The following DLGAP1 variants were observed in gnomAD, a reference collection of about 807,000 sequenced individuals.
The protein encoded by DLGAP1 is disks large-associated protein 1.
Under a neutral mutation model 90.8 loss-of-function variants are expected in DLGAP1, and 11 were observed. The observed-to-expected ratio is 0.12, with a 90% CI of 0.08 to 0.20. The LOEUF is 0.20. Among genes scored for constraint, DLGAP1 ranks in the 10% least tolerant of loss-of-function variants. The pLI is 1.00. For synonymous variants in DLGAP1, 558 were observed against 540.7 expected, an observed-to-expected ratio of 1.03 and a Z score of -0.44; for missense variants, 1,050 against 1,333.8, an observed-to-expected ratio of 0.79 and a Z score of 3.31.
intron 7 of DLGAP1, among the ~76,000 whole-genome samples, chr18:3,583,879 A>G (rs150403134): frequency 6.6e-6 from 1 of 152,080 alleles, no homozygotes; most frequent in Non-Finnish European, 1.5e-5. Context: ...ACCTGGGGGG[A>G]GGAGGTTGCA....
intron 2 of DLGAP1, among the ~76,000 whole-genome samples, chr18:4,077,768 C>T (rs763600275): frequency 4.8e-4 from 73 of 152,248 alleles, no homozygotes; most frequent in Middle Eastern, 6.8e-3. Flanking sequence ...CTCAGGGATT[C>T]CTTTATAGCA....
intron 4 of DLGAP1, among the ~76,000 whole-genome samples, chr18:3,827,442 G>A (rs1410855691): frequency 6.6e-6 from 1 of 152,136 alleles, no homozygotes; most frequent in African/African-American, 2.4e-5. Flanking sequence ...ACTTCTTCCC[G>A]TGATCTTAAT....
intron 1 of DLGAP1, among the ~76,000 whole-genome samples, chr18:4,199,746 G>T (rs1453730726): frequency 6.6e-6 from 1 of 152,142 alleles, no homozygotes; most frequent in Non-Finnish European, 1.5e-5. Flanking sequence ...AAGGTGTTTT[G>T]CTTAATTCTT....
At chr18:3,876,429 GA>G (rs2071006730) in intron 4 of DLGAP1, among the ~76,000 whole-genome samples, 1 of 152,126 alleles carries the variant, frequency 6.6e-6, no homozygotes, top group African/African-American at 2.4e-5. Flanking sequence ...TGCATAAATA[GA>G]AGCTTAATAC....
At chr18:3,619,534 G>A (rs1289908533) in intron 7 of DLGAP1, among the ~76,000 whole-genome samples, 1 of 152,084 alleles carries the variant, frequency 6.6e-6, no homozygotes, top group Non-Finnish European at 1.5e-5. Context: ...ATGGTCAAGA[G>A]GCCCATATTG....
intron 3 of DLGAP1, among the ~76,000 whole-genome samples, chr18:3,984,471 C>G (rs1421054340): frequency 6.6e-6 from 1 of 152,178 alleles, no homozygotes; most frequent in Non-Finnish European, 1.5e-5. Context: ...CTTCACTTGT[C>G]TGTTCTGACA....
rs543800281 is a variant in DLGAP1, at chr18:3,509,865, G to A, written c.2480-1204C>T. Among the ~76,000 whole-genome samples the A allele has an allele frequency of 5.9e-5, 9 of 152,230 alleles. No homozygotes were observed. The East Asian group carries it at 1.7e-3, about 29-fold the overall frequency. ...TTTCTGATGCACATTCTACCTAGGC[G>A]TTACTCAAGTATTTCAGCGTTCCCA... On this transcript the variant is annotated intron_variant, in intron 10 of 12. Coordinates refer to ENST00000315677, the MANE Select transcript of DLGAP1 (RefSeq NM_004746.4).
chr18:3,573,544 C>A (rs977131367), intron 8 of DLGAP1, among the ~76,000 whole-genome samples: 3 of 151,956 alleles, frequency 2.0e-5, no homozygotes, highest in Non-Finnish European at 4.4e-5. Flanking sequence ...ATATTACATG[C>A]TTTAAATAAC....
chr18:3,614,852 GAA>G lies in DLGAP1; in HGVS notation c.1592-32606_1592-32605del, dbSNP rs397967909. 4.5e-3 allele frequency among the ~76,000 whole-genome samples: 628 copies of G among 138,152 alleles called. 5 individuals are homozygous for G. The highest frequency in any genetic ancestry group is 0.015 in the African/African-American group (586 of 37,888). 90.6% of individuals were successfully genotyped at this position (138,152 alleles called of 152,430 possible). The stretch of plus-strand genomic sequence containing the variant: ...CAACAAGAGTGAAACTCTGTCTCAA[GAA>G]AAAAAAAAAAAAGTTATTGGAGTCA... On this transcript the variant is annotated intron_variant, in intron 7 of 12. Coordinates refer to ENST00000315677, the MANE Select transcript of DLGAP1 (RefSeq NM_004746.4).
chr18:4,242,901 G>A (rs1048293123), intron 1 of DLGAP1, among the ~76,000 whole-genome samples: 1 of 152,026 alleles, frequency 6.6e-6, no homozygotes, highest in African/African-American at 2.4e-5. Context: ...CACACATGTA[G>A]TACCCACGAT....
At chr18:3,538,521 A>G (rs1399942068) in intron 9 of DLGAP1, among the ~76,000 whole-genome samples, 1 of 152,242 alleles carries the variant, frequency 6.6e-6, no homozygotes, top group African/African-American at 2.4e-5. Flanking sequence ...TCTTGGCTGC[A>G]GTAGGCTATT....
intron 10 of DLGAP1, among the ~76,000 whole-genome samples, chr18:3,510,178 A>T (rs2050461106): frequency 6.6e-6 from 1 of 152,218 alleles, no homozygotes. Context: ...ACAGGGCCTG[A>T]GTGGGCCAGA....
chr18:3,606,357 C>A (rs144541260), intron 7 of DLGAP1, among the ~76,000 whole-genome samples: 1 of 152,312 alleles, frequency 6.6e-6, no homozygotes, highest in East Asian at 1.9e-4. Context: ...CAAAGACAGA[C>A]GTTTTCATTA....
intron 7 of DLGAP1, among the ~76,000 whole-genome samples, chr18:3,591,249 C>A (rs1182488477): frequency 6.6e-6 from 1 of 151,238 alleles, no homozygotes; most frequent in Non-Finnish European, 1.5e-5. Context: ...TGTGAAGAGG[C>A]CAAAAGAAAA....
At chr18:4,001,681 A>T (rs1457961791) in intron 3 of DLGAP1, among the ~76,000 whole-genome samples, 3 of 151,976 alleles carry the variant, frequency 2.0e-5, no homozygotes, top group African/African-American at 7.3e-5. Flanking sequence ...TGCTCCTATC[A>T]TCTATTTCCT....
At chr18:3,523,728 T>A (rs1026982228) in intron 10 of DLGAP1, among the ~76,000 whole-genome samples, 1 of 151,606 alleles carries the variant, frequency 6.6e-6, no homozygotes, top group African/African-American at 2.4e-5. Context: ...GCGCCCGTAG[T>A]CCCAGCTACA....
At chr18:3,679,211 C>T (rs538843207) in intron 7 of DLGAP1, among the ~76,000 whole-genome samples, 1 of 113,270 alleles carries the variant, frequency 8.8e-6, no homozygotes, top group East Asian at 2.6e-4. Flanking sequence ...CCTACTCCCA[C>T]CCCCATGGAT....
chr18:3,887,927 T>G (rs1219654238), intron 3 of DLGAP1, among the ~76,000 whole-genome samples: 1 of 151,346 alleles, frequency 6.6e-6, no homozygotes, highest in African/African-American at 2.4e-5. Flanking sequence ...GCTAACATGG[T>G]CAAACCCCGT....
intron 1 of DLGAP1, among the ~76,000 whole-genome samples, chr18:4,217,718 T>C (rs1055763152): frequency 6.6e-6 from 1 of 152,104 alleles, no homozygotes; most frequent in East Asian, 1.9e-4. Context: ...TGTTTTCTTA[T>C]TGTTGAGTTT....
Sources: gnomAD v4.1 joint callset for allele counts (sites outside exome capture counted in the v4.1 genomes callset) on GRCh38, gnomAD v4.1.1 for gene constraint, MANE v1.5 for transcripts, NCBI Gene and HGNC (gene_info 2026-07-23, HGNC 2026-07-21) for gene names.